The following TTC27 variants were observed in gnomAD, a reference collection of about 807,000 sequenced individuals.
TTC27 encodes the protein tetratricopeptide repeat domain 27.
Under a neutral mutation model 115.9 loss-of-function variants are expected in TTC27, and 79 were observed. The observed-to-expected ratio is 0.68, with a 90% CI of 0.57 to 0.82. TTC27 has a LOEUF of 0.82. TTC27 is among the 40% of genes least tolerant of loss of function. The pLI is 0.00. For missense variants in TTC27, 1,054 were observed against 993.1 expected (o/e 1.06, Z -0.82); for synonymous variants, 401 against 356.0 (o/e 1.13, Z -1.42).
intron 16 of TTC27, among the ~76,000 whole-genome samples, chr2:32,807,040 TC>T (rs1308631402): frequency 6.6e-6 from 1 of 152,006 alleles, no homozygotes; most frequent in Non-Finnish European, 1.5e-5. Context: ...TTACCAGCAC[TC>T]CCCATATTCC....
intron 5 of TTC27, 122 bp downstream of exon 5, chr2:32,650,355 T>TTC: frequency 6.9e-6 from 1 of 144,672 alleles, no homozygotes; most frequent in Non-Finnish European, 1.4e-5. Flanking sequence ...AGTTGTTTCT[T>TTC]TTTTTTTTTT....
intron 16 of TTC27, among the ~76,000 whole-genome samples, chr2:32,792,648 C>T (rs1421512130): frequency 6.6e-6 from 1 of 152,050 alleles, no homozygotes; most frequent in Admixed American, 6.5e-5. Flanking sequence ...GCTAGCCAAG[C>T]AGGGGAGGTG....
chr2:32,720,384 C>T (rs1016499194), intron 10 of TTC27, among the ~76,000 whole-genome samples: 1 of 152,178 alleles, frequency 6.6e-6, no homozygotes, highest in African/African-American at 2.4e-5. Context: ...TACTTATTAG[C>T]AGGACTAATT....
At chr2:32,701,442 C>G (rs981012126) in intron 9 of TTC27, among the ~76,000 whole-genome samples, 1 of 152,142 alleles carries the variant, frequency 6.6e-6, no homozygotes, top group African/African-American at 2.4e-5. Context: ...TGTTCTGGGA[C>G]TTAGGATACT....
intron 8 of TTC27, among the ~76,000 whole-genome samples, chr2:32,677,661 G>A (rs1666263110): frequency 6.6e-6 from 1 of 151,980 alleles, no homozygotes; most frequent in Non-Finnish European, 1.5e-5. Context: ...ATGTTGGCCA[G>A]GATGGTCTCG....
At chr2:32,633,295 C>A (rs942056805) in intron 2 of TTC27, among the ~76,000 whole-genome samples, 1 of 152,126 alleles carries the variant, frequency 6.6e-6, no homozygotes, top group Non-Finnish European at 1.5e-5. Flanking sequence ...AACTATTGAG[C>A]ACTTGAAATA....
chr2:32,685,723 T>C (rs1025854512), intron 9 of TTC27, among the ~76,000 whole-genome samples: 2 of 152,208 alleles, frequency 1.3e-5, no homozygotes, highest in Admixed American at 6.5e-5. Context: ...TAGAAGAGAA[T>C]ATCAACCTGA....
At chr2:32,700,906 A>G (rs1667162727) in intron 9 of TTC27, among the ~76,000 whole-genome samples, 1 of 152,184 alleles carries the variant, frequency 6.6e-6, no homozygotes, top group Non-Finnish European at 1.5e-5. Flanking sequence ...TTAAAGAATT[A>G]GTTTTTTTAA....
intron 13 of TTC27, among the ~76,000 whole-genome samples, chr2:32,767,450 T>G (rs1227068293): frequency 1.0e-4 from 7 of 68,254 alleles, no homozygotes; most frequent in African/African-American, 3.1e-4. Context: ...TAAGTTTTTT[T>G]TTGTTTTTTT....
At chr2:32,669,895 A>G (rs1055549022) in intron 7 of TTC27, among the ~76,000 whole-genome samples, 3 of 146,654 alleles carry the variant, frequency 2.0e-5, no homozygotes, top group African/African-American at 7.9e-5. Flanking sequence ...AAAAAAAAAA[A>G]AAAAAAGAAA....
intron 4 of TTC27, among the ~76,000 whole-genome samples, chr2:32,643,570 G>T (rs1455505206): frequency 6.6e-6 from 1 of 151,820 alleles, no homozygotes; most frequent in Non-Finnish European, 1.5e-5. Flanking sequence ...GCCTTCCAAA[G>T]TGCTAGGATT....
intron 10 of TTC27, 129 bp from the exon 11 acceptor site, chr2:32,733,699 C>G: frequency 2.0e-6 from 1 of 512,478 alleles, no homozygotes; most frequent in Non-Finnish European, 3.3e-6. Context: ...TTCACACATC[C>G]TATCACCTTA....
intron 10 of TTC27, among the ~76,000 whole-genome samples, chr2:32,726,908 C>T (rs1452616698): frequency 6.6e-6 from 1 of 152,188 alleles, no homozygotes; most frequent in East Asian, 1.9e-4. Context: ...ACATGGATGG[C>T]AGCAGTCAAA....
intron 10 of TTC27, among the ~76,000 whole-genome samples, chr2:32,731,445 G>C (rs1668289016): frequency 6.6e-6 from 1 of 152,146 alleles, no homozygotes; most frequent in African/African-American, 2.4e-5. Context: ...CACAAACCTA[G>C]CTCACTGCAG....
In TTC27 at chr2:32,664,303, T is replaced by A; in HGVS notation, c.641T>A (p.Val214Glu). The stretch of plus-strand genomic sequence containing the variant: ...TAATGTTTTATCTTTTGTCTTGCAG[T>A]GATGAAACTACAGAATCTGTTTGTA... ...FTLAENCIDQ[V>E]MKLQNLFVDD... The change falls in exon 6 of 20, where the codon GTG becomes GAG. Residue 214 changes from valine to glutamate, a missense_variant and splice_region_variant. By Grantham distance (121) the Val-to-Glu change is moderately radical. Coordinates refer to ENST00000317907, the MANE Select transcript of TTC27 (RefSeq NM_017735.5). The A allele has an allele frequency of 6.3e-7, 1 of 1,591,088 alleles. No homozygotes were observed. The highest frequency in any genetic ancestry group is 1.4e-5 in the African/African-American group (1 of 73,906).
intron 6 of TTC27, 129 bp from the exon 7 acceptor site, chr2:32,666,506 C>G: frequency 2.1e-6 from 2 of 948,288 alleles, no homozygotes; most frequent in South Asian, 3.3e-5. Flanking sequence ...GGCTGGGCCT[C>G]AGGACTTTCT....
intron 12 of TTC27, among the ~76,000 whole-genome samples, chr2:32,751,381 C>CTCTTTTAA (rs1316497015): frequency 6.6e-6 from 1 of 151,948 alleles, no homozygotes; most frequent in Non-Finnish European, 1.5e-5. Flanking sequence ...TTTGAGTTTA[C>CTCTTTTAA]TCTTTTAATG....
In TTC27 at chr2:32,782,616, A is replaced by G. The variant is rs780649744; in HGVS notation, c.1780-10A>G. ...GAAGAGTTAATTAACTGTGTTCTCTATCATTTCAGAATGCTGAAGCTTGGA... is the reference window on the plus strand; with the variant it reads ...GAAGAGTTAATTAACTGTGTTCTCTGTCATTTCAGAATGCTGAAGCTTGGA... On this transcript the variant is annotated splice_polypyrimidine_tract_variant and intron_variant, in intron 14 of 19. Transcript: ENST00000317907. The G allele has an allele frequency of 1.2e-5, 20 of 1,610,952 alleles. No homozygotes were observed. In the South Asian group the frequency reaches 1.9e-4, roughly 15 times the overall value.
At chr2:32,792,439 G>C (rs1330695602) in intron 16 of TTC27, among the ~76,000 whole-genome samples, 1 of 152,088 alleles carries the variant, frequency 6.6e-6, no homozygotes, top group Non-Finnish European at 1.5e-5. Flanking sequence ...TTGACATCTG[G>C]CGTATTTAAC....
Sources: gnomAD v4.1 joint callset for allele counts (sites outside exome capture counted in the v4.1 genomes callset) on GRCh38, gnomAD v4.1.1 for gene constraint, MANE v1.5 for transcripts, NCBI Gene and HGNC (gene_info 2026-07-23, HGNC 2026-07-21) for gene names.